P4HA3: variants seen among roughly 807,000 people sequenced by gnomAD.
P4HA3 encodes the protein prolyl 4-hydroxylase subunit alpha-3.
A neutral mutation model predicts 66.7 loss-of-function variants in P4HA3; 60 were observed. The ratio of observed to expected loss-of-function variants is 0.90; its 90% CI spans 0.73 to 1.12. P4HA3 has a LOEUF of 1.12. P4HA3 is among the 50% of genes most tolerant of loss of function. P4HA3 has a pLI of 0.00. For synonymous variants in P4HA3, 263 were observed against 274.6 expected (o/e 0.96, Z 0.42); for missense variants, 683 against 685.8 (o/e 1.00, Z 0.05).
Position 74,299,684 on chromosome 11 carries a change from C to A in P4HA3, c.568-1323G>T, listed in dbSNP as rs374099992. ...ATTTTCAAGAAAAAAAAAAAAAAAA[C>A]AACAGAAAATATCAGGTACCAGAAA... On this transcript the variant is annotated intron_variant, in intron 3 of 12. Transcript: ENST00000331597. 6.2e-3 allele frequency among the ~76,000 whole-genome samples: 767 copies of A among 124,056 alleles called. 7 individuals are homozygous for A. Among genetic ancestry groups the A allele is most frequent in the South Asian group, 0.01 (42 of 4,008 alleles). The allele number at this position is 124,056 out of a possible 152,430, so 81.4% of individuals were successfully genotyped here. A position where few individuals can be genotyped will look rare whatever the true frequency, so the allele number is the denominator to read the frequency against.
intron 3 of P4HA3, 151 bp downstream of exon 3, chr11:74,302,218 G>C (rs1861429662): frequency 1.3e-6 from 1 of 783,556 alleles, no homozygotes; most frequent in African/African-American, 1.7e-5. Context: ...TACCCTCTCT[G>C]AATCTTGTTT....
intron 10 of P4HA3, among the ~76,000 whole-genome samples, chr11:74,271,661 T>C (rs1860203853): frequency 6.6e-6 from 1 of 152,240 alleles, no homozygotes; most frequent in Admixed American, 6.5e-5. Context: ...CGCACCCAGA[T>C]TGGGACTGAT....
intron 4 of P4HA3, 72 bp from the exon 5 acceptor site, chr11:74,289,202 A>G (rs1227125171): frequency 1.9e-5 from 21 of 1,128,634 alleles, no homozygotes; most frequent in Non-Finnish European, 2.4e-5. Context: ...AAACCATTAA[A>G]TTAAAAAAAA....
intron 15 of P4HA3, among the ~76,000 whole-genome samples, chr11:74,255,678 T>TA (rs1245880865): frequency 1.3e-5 from 2 of 152,180 alleles, no homozygotes; most frequent in Non-Finnish European, 2.9e-5. Flanking sequence ...GTTACATTGT[T>TA]ATAGTTAGGA....
In P4HA3 at chr11:74,277,073, A is replaced by G. The variant is rs145796670; in HGVS notation, c.1247T>C (p.Leu416Pro). The change falls in exon 9 of 13, where the codon CTT becomes CCT. Residue 416 changes from leucine (L) to proline (P), a missense_variant. Leu to Pro is a moderately conservative substitution (Grantham distance 98). Transcript: ENST00000331597. ...CTCTGCATAGGGAGGCCGGACATCAAGGCCTGTGAGGGCAGCAATGCGGTG... is the reference window on the plus strand; with the variant it reads ...CTCTGCATAGGGAGGCCGGACATCAGGGCCTGTGAGGGCAGCAATGCGGTG... Reference protein sequence around the residue: ...LNHRIAALTGLDVRPPYAEYL... With the variant: ...LNHRIAALTGPDVRPPYAEYL... The G allele has an allele frequency of 2.2e-5, 35 of 1,614,132 alleles. No homozygotes were observed. The highest frequency in any genetic ancestry group is 1.3e-4 in the Admixed American group (8 of 60,006).
chr11:74,297,035 G>A (rs1016747815), intron 4 of P4HA3, among the ~76,000 whole-genome samples: 5 of 150,644 alleles, frequency 3.3e-5, no homozygotes, highest in South Asian at 2.1e-4. Context: ...GGGCTCAAGC[G>A]ATTCTCCTGC....
chr11:74,308,989 A>G (rs576722909), intron 1 of P4HA3, among the ~76,000 whole-genome samples: 1 of 152,356 alleles, frequency 6.6e-6, no homozygotes, highest in African/African-American at 2.4e-5. Flanking sequence ...GAGGTCTGTT[A>G]AACTCCTGAA....
chr11:74,260,401 G>C (rs2135695681), intron 14 of P4HA3, among the ~76,000 whole-genome samples: 2 of 152,252 alleles, frequency 1.3e-5, no homozygotes, highest in South Asian at 2.1e-4. Context: ...CCTTTTTGTT[G>C]CAAGAGAGTA....
intron 7 of P4HA3, 166 bp downstream of exon 7, chr11:74,285,643 A>AT (rs1309734230): frequency 1.1e-4 from 76 of 661,670 alleles, no homozygotes; most frequent in Admixed American, 5.7e-5. Flanking sequence ...GGCAAGCACT[A>AT]TTGTGATTTT....
intron 4 of P4HA3, among the ~76,000 whole-genome samples, chr11:74,295,882 C>G (rs1591126724): frequency 6.6e-6 from 1 of 152,182 alleles, no homozygotes; most frequent in East Asian, 1.9e-4. Context: ...AATATTAACT[C>G]AAGGTCATAG....
At chr11:74,256,926 G>C (rs73549059) in intron 15 of P4HA3, among the ~76,000 whole-genome samples, 1 of 152,074 alleles carries the variant, frequency 6.6e-6, no homozygotes, top group African/African-American at 2.4e-5. Context: ...AGCATTTGCT[G>C]ATTAAGCAAA....
At chr11:74,260,460 T>G (rs1859889570) in intron 14 of P4HA3, among the ~76,000 whole-genome samples, 1 of 152,204 alleles carries the variant, frequency 6.6e-6, no homozygotes, top group Non-Finnish European at 1.5e-5. Flanking sequence ...TTGTGAGAGT[T>G]TCTCACAATT....
intron 15 of P4HA3, chr11:74,251,613 C>A: frequency 6.2e-7 from 1 of 1,607,428 alleles, no homozygotes; most frequent in South Asian, 1.1e-5. Flanking sequence ...CATCACTAAC[C>A]TTTATATGGC....
chr11:74,259,741 G>A (rs1859879888), intron 15 of P4HA3: 1 of 152,206 alleles, frequency 6.6e-6, no homozygotes, highest in Non-Finnish European at 1.5e-5. Flanking sequence ...CATCCATGTT[G>A]TAGTGTGTAT....
chr11:74,268,802 G>C (rs1860085219), intron 11 of P4HA3, among the ~76,000 whole-genome samples: 1 of 152,174 alleles, frequency 6.6e-6, no homozygotes, highest in African/African-American at 2.4e-5. Context: ...CTCAAGCCCA[G>C]GTGTTCTGAC....
chr11:74,306,945 A>G (rs558349948), intron 1 of P4HA3, among the ~76,000 whole-genome samples: 62 of 152,264 alleles, frequency 4.1e-4, no homozygotes, highest in Middle Eastern at 6.8e-3. Context: ...TGGGATCTTT[A>G]CTACCCATTG....
chr11:74,269,505 G>C (rs373920848), intron 11 of P4HA3, 147 bp downstream of exon 11: 13 of 739,930 alleles, frequency 1.8e-5, no homozygotes, highest in East Asian at 1.1e-4. Flanking sequence ...AGAAGACTAT[G>C]GGATGATCTG....
At chr11:74,255,224 C>T (rs1435166488) in intron 15 of P4HA3, among the ~76,000 whole-genome samples, 2 of 152,220 alleles carry the variant, frequency 1.3e-5, no homozygotes, top group Non-Finnish European at 2.9e-5. Context: ...CTCCAGTTGT[C>T]CAAACCAGAT....
At chr11:74,277,257 T>G in intron 8 of P4HA3, 113 bp from the exon 9 acceptor site, 1 of 1,330,612 alleles carries the variant, frequency 7.5e-7, no homozygotes, top group Non-Finnish European at 1.0e-6. Flanking sequence ...GAAGGAAGGA[T>G]GGAAGGAAGG....
Sources: allele counts gnomAD v4.1 joint callset (sites outside exome capture counted in the v4.1 genomes callset), GRCh38; gene constraint gnomAD v4.1.1; transcripts MANE v1.5; gene names NCBI Gene and HGNC (gene_info 2026-07-23, HGNC 2026-07-21).